Variants in LAMA2 observed in about 807,000 individuals in gnomAD.
LAMA2 encodes the protein laminin subunit alpha 2, also known as laminin subunit alpha-2.
Under a neutral mutation model 364.8 loss-of-function variants are expected in LAMA2, and 269 were observed. The observed-to-expected ratio is 0.74, with a 90% CI of 0.67 to 0.82. The LOEUF (loss-of-function observed/expected upper bound fraction) is 0.82. LAMA2 is among the 40% of genes least tolerant of loss of function. The probability of loss-of-function intolerance (pLI) is 0.00; values close to 1 mark genes in which losing one functional copy is unlikely to be tolerated. For synonymous variants in LAMA2, 1,379 were observed against 1,370.6 expected (o/e 1.01, Z -0.14); for missense variants, 3,807 against 3,873.2 (o/e 0.98, Z 0.45).
chr6:129,033,119 G>A (rs1786354258), intron 1 of LAMA2, among the ~76,000 whole-genome samples: 1 of 151,990 alleles, frequency 6.6e-6, no homozygotes. Flanking sequence ...TACAGATGGT[G>A]TGTAAATGGG....
chr6:129,356,533 A>G lies in LAMA2; in HGVS notation c.4717+3176A>G, dbSNP rs549544726. On this transcript the variant is annotated intron_variant, in intron 32 of 64. Transcript: ENST00000421865. ...TAAGAGAACTGAATTTAGGTAGGTT[A>G]AGTCATTTTCTCAGTGACTTTTCAG... 2.1e-4 allele frequency among the ~76,000 whole-genome samples: 32 copies of G among 152,224 alleles called. No homozygotes were observed. In the South Asian group the frequency reaches 6.6e-3, roughly 32 times the overall value.
At chr6:129,422,249 T>C (rs1781111795) in intron 40 of LAMA2, among the ~76,000 whole-genome samples, 1 of 151,846 alleles carries the variant, frequency 6.6e-6, no homozygotes, top group South Asian at 2.1e-4. Context: ...AATGGTTGAC[T>C]AAGGATCCAG....
At chr6:129,100,990 G>A (rs1020872831) in intron 4 of LAMA2, among the ~76,000 whole-genome samples, 11 of 152,152 alleles carry the variant, frequency 7.2e-5, no homozygotes, top group Non-Finnish European at 1.2e-4. Context: ...AGACAAAGTA[G>A]CTGTGGAATA....
chr6:129,264,441 C>G (rs1379910548), intron 15 of LAMA2, among the ~76,000 whole-genome samples: 4 of 151,962 alleles, frequency 2.6e-5, no homozygotes, highest in African/African-American at 4.8e-5. Context: ...GATTTGAAAA[C>G]GCTGTGAAGT....
At position 128,978,834 on chromosome 6, in the gene LAMA2, C is replaced by T. The variant is rs187575388; in HGVS notation, c.113-71084C>T. ...TTAGTAAGAGCTAGGTGGGCAAATTCGGGTAAGACAGAAGGTTGAGAAAGA... is the reference window on the plus strand; with the variant it reads ...TTAGTAAGAGCTAGGTGGGCAAATTTGGGTAAGACAGAAGGTTGAGAAAGA... On this transcript the variant is annotated intron_variant, in intron 1 of 64. Transcript: ENST00000421865. Among the ~76,000 whole-genome samples the T allele has an allele frequency of 8.5e-5, 13 of 152,234 alleles. No individual in the cohort carries two copies. The East Asian group carries it at 2.5e-3, about 29-fold the overall frequency.
intron 1 of LAMA2, among the ~76,000 whole-genome samples, chr6:128,923,235 A>C (rs1429900132): frequency 2.7e-5 from 4 of 150,906 alleles, no homozygotes. Context: ...GTTTTTTCCA[A>C]CTCTGTGAAG....
chr6:129,005,695 C>G (rs978853027), intron 1 of LAMA2, among the ~76,000 whole-genome samples: 1 of 150,418 alleles, frequency 6.6e-6, no homozygotes, highest in Admixed American at 6.7e-5. Context: ...AAAGCCGTCT[C>G]TACTTGGGGG....
At chr6:129,496,850 A>T (rs1785230617) in intron 58 of LAMA2, among the ~76,000 whole-genome samples, 1 of 152,200 alleles carries the variant, frequency 6.6e-6, no homozygotes, top group Admixed American at 6.5e-5. Flanking sequence ...TCCCTTCTAA[A>T]TGTAAAATAA....
chr6:128,924,152 C>G (rs1292063210), intron 1 of LAMA2, among the ~76,000 whole-genome samples: 1 of 152,034 alleles, frequency 6.6e-6, no homozygotes, highest in Non-Finnish European at 1.5e-5. Context: ...TCTAGCTGCT[C>G]CCTTAATTTG....
chr6:129,110,836 G>A (rs1475647668), intron 4 of LAMA2, among the ~76,000 whole-genome samples: 2 of 151,998 alleles, frequency 1.3e-5, no homozygotes, highest in African/African-American at 4.8e-5. Flanking sequence ...TTGGTCACAA[G>A]AGTTTGTGTG....
intron 1 of LAMA2, among the ~76,000 whole-genome samples, chr6:128,986,636 A>G (rs1026856135): frequency 6.6e-6 from 1 of 152,132 alleles, no homozygotes; most frequent in Non-Finnish European, 1.5e-5. Flanking sequence ...TATCATATAC[A>G]ACATAGTGGC....
chr6:129,131,349 A>G (rs541212262), intron 4 of LAMA2, among the ~76,000 whole-genome samples: 2 of 152,298 alleles, frequency 1.3e-5, no homozygotes, highest in East Asian at 3.9e-4. Flanking sequence ...ATATTTCTTA[A>G]TATTAGCTAT....
At chr6:129,358,556 A>G (rs1394321942) in intron 32 of LAMA2, among the ~76,000 whole-genome samples, 1 of 152,044 alleles carries the variant, frequency 6.6e-6, no homozygotes, top group East Asian at 1.9e-4. Context: ...TGTGACATCC[A>G]CAAAACAGAC....
intron 40 of LAMA2, among the ~76,000 whole-genome samples, chr6:129,412,791 A>C (rs766976533): frequency 9.2e-5 from 14 of 152,160 alleles, no homozygotes; most frequent in Non-Finnish European, 2.1e-4. Context: ...AAGAGAAAAA[A>C]TGAAGAGACA....
At chr6:128,986,456 A>G (rs1158936905) in intron 1 of LAMA2, among the ~76,000 whole-genome samples, 1 of 152,176 alleles carries the variant, frequency 6.6e-6, no homozygotes, top group African/African-American at 2.4e-5. Context: ...TAGAGAAAAT[A>G]CATTATAGTT....
intron 22 of LAMA2, among the ~76,000 whole-genome samples, chr6:129,311,360 AT>A (rs1372072024): frequency 6.6e-6 from 1 of 152,078 alleles, no homozygotes; most frequent in African/African-American, 2.4e-5. Context: ...TGACCTTGTG[AT>A]CCGCCCTCCT....
At chr6:129,388,378 T>C (rs1442151651) in intron 35 of LAMA2, among the ~76,000 whole-genome samples, 1 of 152,242 alleles carries the variant, frequency 6.6e-6, no homozygotes, top group Non-Finnish European at 1.5e-5. Flanking sequence ...ATGATCATTT[T>C]GCTAAAGTCA....
chr6:128,988,292 T>C (rs1053015224), intron 1 of LAMA2, among the ~76,000 whole-genome samples: 8 of 152,180 alleles, frequency 5.3e-5, no homozygotes, highest in African/African-American at 1.9e-4. Flanking sequence ...GATTGTCTAC[T>C]TGATGTTAAC....
chr6:129,311,556 C>T (rs1415375204), intron 22 of LAMA2, among the ~76,000 whole-genome samples: 1 of 152,172 alleles, frequency 6.6e-6, no homozygotes, highest in African/African-American at 2.4e-5. Flanking sequence ...GGTCTACCTA[C>T]TGTATCACAA....
Sources: gnomAD v4.1 joint callset for allele counts (sites outside exome capture counted in the v4.1 genomes callset) on GRCh38, gnomAD v4.1.1 for gene constraint, MANE v1.5 for transcripts, NCBI Gene and HGNC (gene_info 2026-07-23, HGNC 2026-07-21) for gene names.